R3HCC1L: variants seen among roughly 807,000 people sequenced by gnomAD.
R3HCC1L encodes coiled-coil domain-containing protein R3HCC1L.
A neutral mutation model predicts 59.9 loss-of-function variants in R3HCC1L; 51 were observed. That is an observed-to-expected ratio of 0.85 (90% CI 0.68 to 1.07). The LOEUF (loss-of-function observed/expected upper bound fraction) is 1.07. Among genes scored for constraint, R3HCC1L ranks in the 50% least tolerant of loss-of-function variants. The pLI is 0.00. For synonymous variants in R3HCC1L, 322 were observed against 315.2 expected (o/e 1.02, Z -0.23); for missense variants, 965 against 933.0 (o/e 1.03, Z -0.45).
rs747227980 is a variant in R3HCC1L at position 98,209,844 on chromosome 10, G to A, written c.1730G>A (p.Trp577Ter). Residue 577 changes from tryptophan (W) to a stop codon, truncating the protein, a stop_gained, in exon 5 of 10, where the codon TGG becomes TAG. Transcript: ENST00000298999. LOFTEE classifies it high-confidence loss of function. The part of the protein sequence containing the change: ...TEGITAIEES[W>*]ESMFNDDGDC... Reference sequence around the variant, plus strand: ...GGAATTACTGCCATTGAGGAGAGCTGGGAGTCTATGTTTAACGATGATGGT... The same window carrying A: ...GGAATTACTGCCATTGAGGAGAGCTAGGAGTCTATGTTTAACGATGATGGT... The A allele has an allele frequency of 8.7e-6, 14 of 1,613,696 alleles. No individual in the cohort carries two copies. The highest frequency in any genetic ancestry group is 1.2e-5 in the Non-Finnish European group (14 of 1,179,746).
chr10:98,239,313 C>A (rs571675766), intron 9 of R3HCC1L, among the ~76,000 whole-genome samples: 2 of 152,270 alleles, frequency 1.3e-5, no homozygotes, highest in South Asian at 4.1e-4. Flanking sequence ...ATTGTTAAAT[C>A]AGTCATGACA....
intron 4 of R3HCC1L, among the ~76,000 whole-genome samples, chr10:98,203,951 T>G (rs1266412641): frequency 6.6e-6 from 1 of 152,192 alleles, no homozygotes. Flanking sequence ...TTTTATCCCC[T>G]TTAGAAAGTG....
intron 4 of R3HCC1L, among the ~76,000 whole-genome samples, chr10:98,176,057 A>C (rs934670473): frequency 6.6e-6 from 1 of 152,088 alleles, no homozygotes; most frequent in Non-Finnish European, 1.5e-5. Flanking sequence ...AATTTCCTTT[A>C]TACATTTCTT....
intron 1 of R3HCC1L, among the ~76,000 whole-genome samples, chr10:98,151,898 C>G (rs1305228299): frequency 6.6e-6 from 1 of 152,094 alleles, no homozygotes; most frequent in Non-Finnish European, 1.5e-5. Flanking sequence ...GTAAGAAATT[C>G]CAGCTCGCTC....
In R3HCC1L at chr10:98,243,062, C is replaced by G. The variant is rs181568308; in HGVS notation, c.2270-1029C>G. Among the ~76,000 whole-genome samples, 151 of 152,264 alleles carry G rather than the reference C, an allele frequency of 9.9e-4. 1 individual carries two copies. The Middle Eastern group carries it at 0.01, about 10-fold the overall frequency. On this transcript the variant is annotated intron_variant, in intron 9 of 9. Transcript: ENST00000298999. ...AGTGAATTTCTTTTTCTCACATTTC[C>G]AAGTGCCAGTCAGCTTCATAACTAA...
At chr10:98,182,470 C>A (rs1849737401) in intron 4 of R3HCC1L, among the ~76,000 whole-genome samples, 1 of 152,164 alleles carries the variant, frequency 6.6e-6, no homozygotes, top group South Asian at 2.1e-4. Context: ...GGAGGTGTCT[C>A]CCAGTTAGGC....
intron 2 of R3HCC1L, among the ~76,000 whole-genome samples, chr10:98,159,686 C>T (rs879446316): frequency 1.3e-4 from 20 of 152,340 alleles, no homozygotes; most frequent in Admixed American, 5.9e-4. Flanking sequence ...TATTTTGACA[C>T]TGTCCCTGAC....
chr10:98,238,437 C>T (rs536171976), intron 9 of R3HCC1L, among the ~76,000 whole-genome samples: 13 of 152,280 alleles, frequency 8.5e-5, no homozygotes, highest in African/African-American at 2.9e-4. Flanking sequence ...TTTTTCCTCT[C>T]ACTTCAGTTC....
intron 9 of R3HCC1L, among the ~76,000 whole-genome samples, chr10:98,242,201 G>T (rs1857599432): frequency 6.6e-6 from 1 of 152,110 alleles, no homozygotes; most frequent in Non-Finnish European, 1.5e-5. Context: ...AAAAAAATTA[G>T]CCAGGCATGG....
At chr10:98,144,861 T>A (rs76635081) in intron 1 of R3HCC1L, among the ~76,000 whole-genome samples, 2 of 152,042 alleles carry the variant, frequency 1.3e-5, no homozygotes, top group Admixed American at 6.5e-5. Flanking sequence ...TTGAATGAAA[T>A]GAAAGAGTAA....
At chr10:98,176,913 G>A (rs1011580257) in intron 4 of R3HCC1L, among the ~76,000 whole-genome samples, 2 of 151,844 alleles carry the variant, frequency 1.3e-5, no homozygotes, top group African/African-American at 2.4e-5. Context: ...TTACTGGATG[G>A]ATGTTGAATT....
chr10:98,180,094 G>A (rs953001192), intron 4 of R3HCC1L, among the ~76,000 whole-genome samples: 1 of 152,090 alleles, frequency 6.6e-6, no homozygotes, highest in Non-Finnish European at 1.5e-5. Context: ...CTTGCCTGCT[G>A]CTAGCTTTTG....
intron 5 of R3HCC1L, among the ~76,000 whole-genome samples, chr10:98,230,471 T>C (rs1856240900): frequency 6.6e-6 from 1 of 152,180 alleles, no homozygotes; most frequent in South Asian, 2.1e-4. Flanking sequence ...TCTTCTCTCT[T>C]CTTTGTTAAT....
At chr10:98,179,798 GT>G (rs1409498333) in intron 4 of R3HCC1L, among the ~76,000 whole-genome samples, 3 of 152,206 alleles carry the variant, frequency 2.0e-5, no homozygotes, top group Non-Finnish European at 4.4e-5. Context: ...TTGGGAGGGT[GT>G]ATATGTCCAG....
chr10:98,228,740 C>G (rs1427385215), intron 5 of R3HCC1L, among the ~76,000 whole-genome samples: 1 of 152,086 alleles, frequency 6.6e-6, no homozygotes, highest in Non-Finnish European at 1.5e-5. Flanking sequence ...GTCTTTAATC[C>G]ATCTTGAATT....
chr10:98,191,919 G>C (rs1186258152), intron 4 of R3HCC1L, among the ~76,000 whole-genome samples: 1 of 152,118 alleles, frequency 6.6e-6, no homozygotes. Flanking sequence ...CTGCCTCGCG[G>C]GTTCAAGCAA....
chr10:98,222,681 T>C (rs1353151457), intron 5 of R3HCC1L, among the ~76,000 whole-genome samples: 1 of 152,214 alleles, frequency 6.6e-6, no homozygotes, highest in African/African-American at 2.4e-5. Flanking sequence ...CTGGATTACA[T>C]TTATTGATTT....
intron 4 of R3HCC1L, among the ~76,000 whole-genome samples, chr10:98,198,939 A>G (rs997658750): frequency 1.8e-4 from 28 of 152,212 alleles, no homozygotes; most frequent in Non-Finnish European, 1.5e-5. Context: ...GCTACTTTAA[A>G]AACTACAAAA....
At chr10:98,198,536 C>T (rs1289857078) in intron 4 of R3HCC1L, among the ~76,000 whole-genome samples, 2 of 133,770 alleles carry the variant, frequency 1.5e-5, no homozygotes, top group African/African-American at 5.4e-5. Flanking sequence ...TAATAAAAAG[C>T]CTTCGTTTTC....
Sources: allele counts gnomAD v4.1 joint callset (sites outside exome capture counted in the v4.1 genomes callset), GRCh38; gene constraint gnomAD v4.1.1; transcripts MANE v1.5; gene names NCBI Gene and HGNC (gene_info 2026-07-23, HGNC 2026-07-21).